The following LIN7A variants were observed in gnomAD, a reference collection of about 807,000 sequenced individuals.
LIN7A encodes protein lin-7 homolog A.
In LIN7A, 25 loss-of-function variants were observed where a neutral mutation model predicts 29.8. That is an observed-to-expected ratio of 0.84 (90% confidence interval 0.61 to 1.17). The LOEUF is 1.17. LIN7A is among the 50% of genes most tolerant of loss of function. The pLI is 0.00. For missense variants in LIN7A, 239 were observed against 287.0 expected (o/e 0.83, Z 1.21); for synonymous variants, 118 against 107.5 (o/e 1.10, Z -0.60).
chr12:80,911,140 G>T (rs937913855), intron 1 of LIN7A, among the ~76,000 whole-genome samples: 7 of 151,994 alleles, frequency 4.6e-5, no homozygotes, highest in African/African-American at 1.7e-4. Context: ...AGTTTGCCTT[G>T]CTCAGTGCTA....
chr12:80,900,634 T>C (rs1322385417), intron 1 of LIN7A, among the ~76,000 whole-genome samples: 3 of 152,202 alleles, frequency 2.0e-5, no homozygotes, highest in Non-Finnish European at 4.4e-5. Context: ...GTGGTTGATA[T>C]GATGTTGGTT....
chr12:80,853,266 A>T (rs778675316), intron 2 of LIN7A, among the ~76,000 whole-genome samples: 5 of 152,090 alleles, frequency 3.3e-5, no homozygotes, highest in Non-Finnish European at 7.3e-5. Context: ...AATTTTGTCC[A>T]TCAGAAATTA....
At chr12:80,878,965 A>G (rs927808133) in intron 2 of LIN7A, among the ~76,000 whole-genome samples, 2 of 152,228 alleles carry the variant, frequency 1.3e-5, no homozygotes, top group Admixed American at 1.3e-4. Context: ...CCAAAAGTCC[A>G]GCTGGCTTCA....
At chr12:80,828,471 AT>A (rs1222798654) in intron 4 of LIN7A, among the ~76,000 whole-genome samples, 1 of 152,206 alleles carries the variant, frequency 6.6e-6, no homozygotes, top group Non-Finnish European at 1.5e-5. Flanking sequence ...GATAATACGT[AT>A]ATGTAAAAAT....
intron 5 of LIN7A, among the ~76,000 whole-genome samples, chr12:80,807,762 G>C (rs1871113323): frequency 6.6e-6 from 1 of 152,102 alleles, no homozygotes; most frequent in South Asian, 2.1e-4. Context: ...AGAGAAGAAG[G>C]ATGTGGACAA....
At chr12:80,931,243 G>C (rs1023905967) in intron 1 of LIN7A, among the ~76,000 whole-genome samples, 1 of 152,092 alleles carries the variant, frequency 6.6e-6, no homozygotes, top group Admixed American at 6.5e-5. Flanking sequence ...TTCAGGGCTC[G>C]GATGAATGAC....
intron 1 of LIN7A, among the ~76,000 whole-genome samples, chr12:80,915,727 T>G (rs1877000030): frequency 1.3e-5 from 2 of 152,178 alleles, no homozygotes; most frequent in Admixed American, 1.3e-4. Context: ...TTGCAGCAAC[T>G]GGATGGATGC....
intron 4 of LIN7A, among the ~76,000 whole-genome samples, chr12:80,840,004 T>A (rs960521232): frequency 6.6e-6 from 1 of 152,222 alleles, no homozygotes; most frequent in African/African-American, 2.4e-5. Flanking sequence ...CAGAAGCAAA[T>A]GAGGGCTTCT....
At chr12:80,847,118 A>G (rs1181263169) in intron 3 of LIN7A, among the ~76,000 whole-genome samples, 4 of 152,250 alleles carry the variant, frequency 2.6e-5, no homozygotes, top group African/African-American at 9.6e-5. Context: ...TGTCATGCAT[A>G]GATTTTAATG....
chr12:80,810,911 C>T (rs1871255933), intron 5 of LIN7A, among the ~76,000 whole-genome samples: 1 of 152,214 alleles, frequency 6.6e-6, no homozygotes, highest in African/African-American at 2.4e-5. Flanking sequence ...GGAGCATCCG[C>T]AGAGAACTTC....
Position 80,792,735 on chromosome 12 carries a change from C to T in LIN7A, c.*4992G>A, listed in dbSNP as rs1265692027. 6.6e-6 allele frequency: 1 copy of T among 152,100 alleles called. No individual in the cohort carries two copies. The highest frequency in any genetic ancestry group is 1.5e-5 in the Non-Finnish European group (1 of 68,004). The allele number at this position is 152,100 out of a possible 1,614,324, so 9.4% of individuals were successfully genotyped here. A position where few individuals can be genotyped will look rare whatever the true frequency, so the allele number is the denominator to read the frequency against. On this transcript the variant is annotated 3_prime_UTR_variant, in exon 6 of 6. Coordinates refer to ENST00000552864, the MANE Select transcript of LIN7A (RefSeq NM_004664.4). ...CTCCAAACTGTGTATTTATTATAAG[C>T]CCTTACATCAGGGATTTTGTTTCTT...
intron 2 of LIN7A, among the ~76,000 whole-genome samples, chr12:80,853,913 C>G (rs1336401045): frequency 1.3e-5 from 2 of 152,074 alleles, no homozygotes; most frequent in South Asian, 4.1e-4. Flanking sequence ...AGGCTGGTCT[C>G]GAACTCCTGA....
At chr12:80,832,795 G>T (rs1169674395) in intron 4 of LIN7A, among the ~76,000 whole-genome samples, 1 of 152,106 alleles carries the variant, frequency 6.6e-6, no homozygotes, top group Non-Finnish European at 1.5e-5. Flanking sequence ...GCTACTATAT[G>T]GTTTGGAACT....
chr12:80,843,537 C>G (rs1259412947), intron 4 of LIN7A, among the ~76,000 whole-genome samples: 1 of 152,148 alleles, frequency 6.6e-6, no homozygotes, highest in Non-Finnish European at 1.5e-5. Context: ...ATAAGACTTA[C>G]TTTTAACCTA....
rs1329824449 is a variant in LIN7A at position 80,794,539 on chromosome 12, T to C, written c.*3188A>G. Reference sequence around the variant, plus strand: ...ACCTCTTGGGGTCCTACGGGCACAGTTGAGTAACATGAAATGAGATAAGAT... The same window carrying C: ...ACCTCTTGGGGTCCTACGGGCACAGCTGAGTAACATGAAATGAGATAAGAT... On this transcript the variant is annotated 3_prime_UTR_variant, in exon 6 of 6. Transcript: ENST00000552864. 2.6e-5 allele frequency: 4 copies of C among 152,138 alleles called. No homozygotes were observed. Among genetic ancestry groups the C allele is most frequent in the Non-Finnish European group, 5.9e-5 (4 of 68,012 alleles). The allele number at this position is 152,138 out of a possible 1,614,324, so 9.4% of individuals were successfully genotyped here.
intron 1 of LIN7A, among the ~76,000 whole-genome samples, chr12:80,899,573 T>A (rs922604906): frequency 1.3e-5 from 2 of 151,922 alleles, no homozygotes; most frequent in African/African-American, 4.8e-5. Context: ...CAGTTCTTCT[T>A]TATGTATCTG....
chr12:80,923,069 A>G (rs938302859), intron 1 of LIN7A, among the ~76,000 whole-genome samples: 8 of 152,164 alleles, frequency 5.3e-5, no homozygotes, highest in African/African-American at 1.9e-4. Context: ...CTGAGTAAAG[A>G]AGATCCACCC....
At chr12:80,798,263 C>A (rs905983167) in intron 5 of LIN7A, among the ~76,000 whole-genome samples, 2 of 152,216 alleles carry the variant, frequency 1.3e-5, no homozygotes, top group African/African-American at 4.8e-5. Context: ...TTGCCAGATA[C>A]TACCCCCATA....
At chr12:80,842,248 GTA>G in intron 4 of LIN7A, 24 of 557,858 alleles carry the variant, frequency 4.3e-5, no homozygotes, top group Non-Finnish European at 6.0e-5. Flanking sequence ...TTCTGTGTGT[GTA>G]TATATATATT....
Sources: allele counts gnomAD v4.1 joint callset (sites outside exome capture counted in the v4.1 genomes callset), GRCh38; gene constraint gnomAD v4.1.1; transcripts MANE v1.5; gene names NCBI Gene and HGNC (gene_info 2026-07-23, HGNC 2026-07-21).